Variants in PCNX1 observed in about 807,000 individuals in gnomAD.
PCNX1 encodes pecanex-like protein 1.
A neutral mutation model predicts 242.2 loss-of-function variants in PCNX1; 78 were observed. The ratio of observed to expected loss-of-function variants is 0.32; its 90% CI spans 0.27 to 0.39. PCNX1 has a LOEUF of 0.39. Ranked by LOEUF, PCNX1 falls within the 10% of genes least tolerant of loss-of-function variation. PCNX1 has a pLI of 1.00. For missense variants in PCNX1, 2,581 were observed against 2,856.5 expected (o/e 0.90, Z 2.20); for synonymous variants, 1,024 against 1,032.9 (o/e 0.99, Z 0.17).
chr14:71,031,668 G>C, intron 16 of PCNX1: 2 of 715,404 alleles, frequency 2.8e-6, no homozygotes, highest in South Asian at 2.9e-5. Flanking sequence ...CCGTCAGTAG[G>C]TCCTGCTCAC....
chr14:71,053,466 C>T (rs1466795488), intron 24 of PCNX1: 4 of 343,730 alleles, frequency 1.2e-5, no homozygotes, highest in Non-Finnish European at 1.7e-5. Context: ...TACAGGCGCC[C>T]ACCAGCACAC....
rs761879685 is a variant in PCNX1 at position 70,995,049 on chromosome 14, G to A, written c.2445-692G>A. Reference sequence around the variant, plus strand: ...AAATAACAAAATTTGTTATGGGAACGTAACTAATACTTGTATATAAAGCAC... The same window carrying A: ...AAATAACAAAATTTGTTATGGGAACATAACTAATACTTGTATATAAAGCAC... On this transcript the variant is annotated intron_variant, in intron 7 of 35. Transcript: ENST00000304743. 4.3e-4 allele frequency among the ~76,000 whole-genome samples: 65 copies of A among 152,196 alleles called. 2 individuals are homozygous for A. Among genetic ancestry groups the A allele is most frequent in the Middle Eastern group, 6.8e-3 (2 of 294 alleles).
chr14:71,031,697 G>A (rs2060388182), intron 16 of PCNX1: 1 of 824,162 alleles, frequency 1.2e-6, no homozygotes. Context: ...ATGAGCCCCA[G>A]AGCTAAGTGG....
intron 1 of PCNX1, among the ~76,000 whole-genome samples, chr14:70,931,703 T>A (rs2056806076): frequency 6.6e-6 from 1 of 152,196 alleles, no homozygotes; most frequent in African/African-American, 2.4e-5. Flanking sequence ...AAAAATTAAG[T>A]TCAGTTTTTC....
At chr14:70,928,730 G>C (rs1023751918) in intron 1 of PCNX1, among the ~76,000 whole-genome samples, 1 of 152,086 alleles carries the variant, frequency 6.6e-6, no homozygotes, top group African/African-American at 2.4e-5. Context: ...GGGAATTTTG[G>C]GGTAAAGAAT....
At position 71,036,105 on chromosome 14, in the gene PCNX1, T is replaced by C. The variant is rs765439737; in HGVS notation, c.3815T>C (p.Ile1272Thr). Residue 1272 changes from isoleucine to threonine, a missense_variant, in exon 19 of 36, where the codon ATT (isoleucine) becomes ACT (threonine). This residue lies in a region of PCNX1 where 432 missense variants were observed against 443.1 expected (regional missense o/e 0.97). Coordinates refer to ENST00000304743, the MANE Select transcript of PCNX1 (RefSeq NM_014982.3). ...LQSDLVVCIV[I>T]GVLYFAIHVS... Reference sequence around the variant, plus strand: ...TCTGACCTGGTAGTATGCATTGTAATTGGTGTGCTGTATTTTGCTATTCAT... The same window carrying C: ...TCTGACCTGGTAGTATGCATTGTAACTGGTGTGCTGTATTTTGCTATTCAT... 1.9e-6 allele frequency: 3 copies of C among 1,609,810 alleles called. No individual in the cohort carries two copies. The highest frequency in any genetic ancestry group is 1.1e-5 in the South Asian group (1 of 90,976).
chr14:70,944,383 T>C (rs939315852), intron 1 of PCNX1, among the ~76,000 whole-genome samples: 1 of 152,256 alleles, frequency 6.6e-6, no homozygotes, highest in Non-Finnish European at 1.5e-5. Context: ...TTGACTGCCC[T>C]GCTGGATTTT....
intron 6 of PCNX1, among the ~76,000 whole-genome samples, chr14:70,987,235 C>T (rs138901940): frequency 6.6e-6 from 1 of 152,264 alleles, no homozygotes; most frequent in African/African-American, 2.4e-5. Context: ...AAGCACTGTT[C>T]AATATAACTT....
intron 19 of PCNX1, among the ~76,000 whole-genome samples, chr14:71,041,818 C>CTATACTATAT (rs981504490): frequency 7.0e-6 from 1 of 142,730 alleles, no homozygotes; most frequent in Non-Finnish European, 1.5e-5. Flanking sequence ...CTATACTATA[C>CTATACTATAT]TATACTATAC....
At chr14:71,035,240 A>G (rs1475005335) in intron 18 of PCNX1, among the ~76,000 whole-genome samples, 3 of 152,148 alleles carry the variant, frequency 2.0e-5, no homozygotes, top group Non-Finnish European at 4.4e-5. Flanking sequence ...ACAAAAAATT[A>G]CAGTAACTTA....
chr14:70,922,685 T>C (rs1042380725), intron 1 of PCNX1, among the ~76,000 whole-genome samples: 1 of 152,070 alleles, frequency 6.6e-6, no homozygotes, highest in African/African-American at 2.4e-5. Context: ...CTCTTCTTCA[T>C]TTTTTGAACC....
At chr14:70,956,253 A>G (rs2057989271) in intron 2 of PCNX1, among the ~76,000 whole-genome samples, 1 of 152,142 alleles carries the variant, frequency 6.6e-6, no homozygotes, top group Non-Finnish European at 1.5e-5. Context: ...TTTCTTAGAA[A>G]GAATAAGGGC....
chr14:71,102,953 C>A (rs912751179), intron 31 of PCNX1, among the ~76,000 whole-genome samples: 1 of 151,986 alleles, frequency 6.6e-6, no homozygotes, highest in Non-Finnish European at 1.5e-5. Context: ...TTTTAAACAT[C>A]TCAGTGCTTT....
intron 1 of PCNX1, among the ~76,000 whole-genome samples, chr14:70,925,447 AT>A (rs772824271): frequency 6.6e-6 from 1 of 151,332 alleles, no homozygotes; most frequent in East Asian, 1.9e-4. Flanking sequence ...TGAAAAATAG[AT>A]TTTTCCCCCC....
chr14:70,946,340 A>G (rs1453280246), intron 1 of PCNX1, among the ~76,000 whole-genome samples: 1 of 152,212 alleles, frequency 6.6e-6, no homozygotes, highest in Non-Finnish European at 1.5e-5. Flanking sequence ...AATGTATCCT[A>G]AAAAACGGTT....
At chr14:70,918,486 T>G (rs1192891398) in intron 1 of PCNX1, among the ~76,000 whole-genome samples, 1 of 152,198 alleles carries the variant, frequency 6.6e-6, no homozygotes, top group Non-Finnish European at 1.5e-5. Context: ...AGATTACTGA[T>G]TACAGATCAC....
chr14:71,000,206 G>T (rs1016390569), intron 8 of PCNX1, among the ~76,000 whole-genome samples: 1 of 152,074 alleles, frequency 6.6e-6, no homozygotes, highest in African/African-American at 2.4e-5. Context: ...AGTATTAAGA[G>T]GTTTAAGGGC....
chr14:71,046,369 A>T (rs963215812), intron 20 of PCNX1, among the ~76,000 whole-genome samples: 1 of 152,038 alleles, frequency 6.6e-6, no homozygotes, highest in African/African-American at 2.4e-5. Context: ...TTGAATCAGC[A>T]TATCATTTTG....
intron 8 of PCNX1, among the ~76,000 whole-genome samples, chr14:70,996,357 A>G (rs145705688): frequency 0.034 from 5,177 of 152,294 alleles, 118 homozygotes; most frequent in Non-Finnish European, 0.052. Flanking sequence ...AAGATATTCT[A>G]TATTTCACAC....
Sources: allele counts gnomAD v4.1 joint callset (sites outside exome capture counted in the v4.1 genomes callset), GRCh38; gene constraint gnomAD v4.1.1; regional missense constraint gnomAD v4.1.1; transcripts MANE v1.5; gene names NCBI Gene and HGNC (gene_info 2026-07-23, HGNC 2026-07-21).